Variants in CHD2 observed in about 807,000 individuals in gnomAD.
The protein encoded by CHD2 is chromodomain helicase DNA binding protein 2, also known as ATP-dependent chromatin remodeler CHD2.
A neutral mutation model predicts 243.9 loss-of-function variants in CHD2; 28 were observed. The observed-to-expected ratio is 0.11, with a 90% CI of 0.09 to 0.16. The LOEUF is 0.16. CHD2 is among the 10% of genes least tolerant of loss of function. The probability of loss-of-function intolerance (pLI) is 1.00; values close to 1 mark genes in which losing one functional copy is unlikely to be tolerated. For missense variants in CHD2, 1,386 were observed against 2,209.8 expected (o/e 0.63, Z 7.47); for synonymous variants, 775 against 779.0 (o/e 0.99, Z 0.09).
intron 34 of CHD2, among the ~76,000 whole-genome samples, chr15:93,008,258 C>G (rs1300677978): frequency 6.6e-6 from 1 of 152,210 alleles, no homozygotes; most frequent in Non-Finnish European, 1.5e-5. Context: ...TCAGGTAATC[C>G]TGTTTTCAGT....
chr15:92,964,588 T>TAAA (rs1407045009), intron 16 of CHD2, among the ~76,000 whole-genome samples: 1 of 152,254 alleles, frequency 6.6e-6, no homozygotes, highest in East Asian at 1.9e-4. Context: ...GTCCTCTTTT[T>TAAA]AACCAACTGA....
intron 28 of CHD2, 38 bp downstream of exon 28, chr15:92,993,036 G>T (rs377303989): frequency 1.2e-6 from 2 of 1,609,158 alleles, no homozygotes; most frequent in Non-Finnish European, 1.7e-6. Flanking sequence ...TCGCAACCTG[G>T]CACTCTTGGA....
chr15:92,945,697 T>A (rs1567136836), intron 10 of CHD2, 124 bp from the exon 11 acceptor site: 1 of 302,914 alleles, frequency 3.3e-6, no homozygotes, highest in South Asian at 7.0e-5. Flanking sequence ...TATAATCCCA[T>A]TTTTTTTTTT....
chr15:92,935,505 A>G (rs559726172), intron 5 of CHD2, among the ~76,000 whole-genome samples: 2 of 152,190 alleles, frequency 1.3e-5, no homozygotes, highest in Admixed American at 6.5e-5. Context: ...TAGGTTCTCA[A>G]TTCCTGGGGG....
intron 5 of CHD2, among the ~76,000 whole-genome samples, chr15:92,930,632 A>G (rs942481789): frequency 2.0e-5 from 3 of 151,934 alleles, no homozygotes; most frequent in Non-Finnish European, 4.4e-5. Context: ...GGGTCTCACT[A>G]TGTTTCTCAG....
intron 5 of CHD2, among the ~76,000 whole-genome samples, chr15:92,933,978 G>A (rs1158599427): frequency 6.6e-6 from 1 of 152,224 alleles, no homozygotes; most frequent in Admixed American, 6.5e-5. Context: ...ATTAGCCTCA[G>A]ATTTCTGTTG....
chr15:92,935,916 G>A (rs2053259269), intron 5 of CHD2, among the ~76,000 whole-genome samples: 1 of 151,824 alleles, frequency 6.6e-6, no homozygotes, highest in Non-Finnish European at 1.5e-5. Context: ...TAGACTAATT[G>A]CGCATTCTTT....
At chr15:92,977,583 C>G (rs2053926619) in intron 20 of CHD2, among the ~76,000 whole-genome samples, 1 of 152,106 alleles carries the variant, frequency 6.6e-6, no homozygotes, top group Non-Finnish European at 1.5e-5. Flanking sequence ...GGCAGGTGTG[C>G]TGTGCTTGCC....
chr15:92,918,562 T>G (rs554604931), intron 2 of CHD2, among the ~76,000 whole-genome samples: 2 of 152,258 alleles, frequency 1.3e-5, no homozygotes, highest in East Asian at 3.9e-4. Flanking sequence ...ACTTTGTTAT[T>G]TAGGTGAAGG....
chr15:92,997,533 C>T lies in CHD2; in HGVS notation c.3885+130C>T. The stretch of plus-strand genomic sequence containing the variant: ...ATTAGTATAGTCATTCTTGGAAATA[C>T]TTCCATCTTTAGCAGATTGTGGCAC... On this transcript the variant is annotated intron_variant, in intron 30 of 38. Coordinates refer to ENST00000394196, the MANE Select transcript of CHD2 (RefSeq NM_001271.4). The surrounding 1 kb of genome is among the most constrained non-coding windows in gnomAD (Gnocchi z 4.1). The T allele has an allele frequency of 1.2e-6, 1 of 806,598 alleles. No homozygotes were observed. Among genetic ancestry groups the T allele is most frequent in the Non-Finnish European group, 1.8e-6 (1 of 553,456 alleles). The allele number at this position is 806,598 out of a possible 1,614,324, so 50.0% of individuals were successfully genotyped here.
At chr15:92,981,571 G>GGATATGACTCAAT in intron 24 of CHD2, 114 bp downstream of exon 24, 3 of 730,600 alleles carry the variant, frequency 4.1e-6, no homozygotes, top group Non-Finnish European at 6.8e-6. Context: ...CCTGAATTGA[G>GGATATGACTCAAT]TCATATCCTC....
At chr15:92,933,417 C>T (rs555941039) in intron 5 of CHD2, among the ~76,000 whole-genome samples, 2 of 152,234 alleles carry the variant, frequency 1.3e-5, no homozygotes, top group African/African-American at 4.8e-5. Flanking sequence ...TCTCATCTGG[C>T]CCCTGTGAGT....
Position 92,998,515 on chromosome 15 carries a change from C to T in CHD2, c.3902C>T (p.Thr1301Ile), listed in dbSNP as rs758222805. ...TTGTTGAAGATTCTGCCGGTGGAGACAGATAAAAAGCCTCAGGGGAAGCAG... is the reference window on the plus strand; with the variant it reads ...TTGTTGAAGATTCTGCCGGTGGAGATAGATAAAAAGCCTCAGGGGAAGCAG... ...KLTDKILPVE[T>I]DKKPQGKQLQ... The change falls in exon 31 of 39, where the codon ACA (threonine) becomes ATA (isoleucine). Residue 1301 changes from threonine to isoleucine, a missense_variant. Transcript: ENST00000394196. This position sits in a 1 kb window ranked among gnomAD's most constrained non-coding sequence, Gnocchi z 5.1. 1.9e-6 allele frequency: 3 copies of T among 1,613,786 alleles called. No homozygotes were observed. The highest frequency in any genetic ancestry group is 2.5e-6 in the Non-Finnish European group (3 of 1,179,912).
At chr15:92,985,427 C>A in intron 25 of CHD2, 71 bp from the exon 26 acceptor site, 1 of 1,419,492 alleles carries the variant, frequency 7.0e-7, no homozygotes, top group Non-Finnish European at 9.5e-7. Context: ...ATTAAGATGG[C>A]CTTCTCTTAG....
chr15:93,002,001 C>G (rs940321444), intron 32 of CHD2, among the ~76,000 whole-genome samples, 176 bp from the exon 33 acceptor site: 5 of 152,136 alleles, frequency 3.3e-5, no homozygotes, highest in Admixed American at 6.6e-5. Flanking sequence ...ACAGTTGTAA[C>G]TGGTTATTAC....
intron 2 of CHD2, among the ~76,000 whole-genome samples, chr15:92,913,583 C>T (rs548027993): frequency 2.0e-5 from 3 of 152,336 alleles, no homozygotes; most frequent in South Asian, 2.1e-4. Context: ...AGGCTGGGCA[C>T]GGCGGTTCAC....
intron 13 of CHD2, among the ~76,000 whole-genome samples, chr15:92,952,363 C>A (rs2053564392): frequency 6.6e-6 from 1 of 152,130 alleles, no homozygotes; most frequent in African/African-American, 2.4e-5. Context: ...GATTCAAGCA[C>A]ATTACATTTA....
intron 16 of CHD2, among the ~76,000 whole-genome samples, chr15:92,960,705 G>GTTGT (rs2053674016): frequency 9.7e-5 from 5 of 51,452 alleles, no homozygotes; most frequent in Non-Finnish European, 1.8e-4. Context: ...TCTGTTTGGT[G>GTTGT]TTTTTTTTTT....
intron 31 of CHD2, among the ~76,000 whole-genome samples, chr15:93,000,181 G>A (rs991745028): frequency 3.9e-5 from 6 of 152,054 alleles, no homozygotes; most frequent in Non-Finnish European, 5.9e-5. Context: ...CAGGAGAATC[G>A]CTTGAACCCG....
Sources: allele counts gnomAD v4.1 joint callset (sites outside exome capture counted in the v4.1 genomes callset), GRCh38; gene constraint gnomAD v4.1.1; non-coding constraint Gnocchi (gnomAD v3.1); transcripts MANE v1.5; gene names NCBI Gene and HGNC (gene_info 2026-07-23, HGNC 2026-07-21).